The following ZNF536 variants were observed in gnomAD, a reference collection of about 807,000 sequenced individuals.
The protein encoded by ZNF536 is zinc finger protein 536.
In ZNF536, 13 loss-of-function variants were observed where a neutral mutation model predicts 84.5. The ratio of observed to expected loss-of-function variants is 0.15; its 90% CI spans 0.10 to 0.24. The LOEUF is 0.24. Among genes scored for constraint, ZNF536 ranks in the 10% least tolerant of loss-of-function variants. The pLI is 1.00. For synonymous variants in ZNF536, 811 were observed against 742.5 expected (o/e 1.09, Z -1.50); for missense variants, 1,536 against 1,747.5 (o/e 0.88, Z 2.16).
intron 1 of ZNF536, among the ~76,000 whole-genome samples, chr19:30,664,204 T>TTCTCTCTCTCTCTCTC (rs71173915): frequency 1.7e-4 from 15 of 90,714 alleles, no homozygotes; most frequent in East Asian, 2.8e-4. Flanking sequence ...TTGCTGAGTT[T>TTCTCTCTCTCTCTCTC]TCTCTCTCTC....
intron 1 of ZNF536, among the ~76,000 whole-genome samples, chr19:30,662,925 T>G (rs1327284536): frequency 6.6e-6 from 1 of 151,496 alleles, no homozygotes; most frequent in Non-Finnish European, 1.5e-5. Flanking sequence ...GGAAAATTTT[T>G]TCTCTTTCTC....
At chr19:30,324,991 CA>C (rs1411431449) in intron 2 of ZNF536, among the ~76,000 whole-genome samples, 1 of 152,178 alleles carries the variant, frequency 6.6e-6, no homozygotes, top group African/African-American at 2.4e-5. Flanking sequence ...CACCCTCACC[CA>C]AAGTCATACA....
intron 1 of ZNF536, among the ~76,000 whole-genome samples, chr19:30,599,065 C>T (rs999434377): frequency 7.5e-6 from 1 of 133,200 alleles, no homozygotes; most frequent in Non-Finnish European, 1.6e-5. Context: ...TCTCTCCTCC[C>T]TCCCTCCCTG....
intron 3 of ZNF536, among the ~76,000 whole-genome samples, chr19:30,358,740 A>G (rs1403961776): frequency 6.6e-6 from 1 of 152,168 alleles, no homozygotes; most frequent in Non-Finnish European, 1.5e-5. Flanking sequence ...AGTTTCTGGT[A>G]TCTGGACAGG....
intron 1 of ZNF536, among the ~76,000 whole-genome samples, chr19:30,624,802 C>A (rs762682432): frequency 6.6e-6 from 1 of 152,102 alleles, no homozygotes; most frequent in South Asian, 2.1e-4. Flanking sequence ...AAGGAGGGAC[C>A]CAGTGAGAGG....
chr19:30,679,363 G>C (rs1356436059), intron 1 of ZNF536, among the ~76,000 whole-genome samples: 1 of 152,238 alleles, frequency 6.6e-6, no homozygotes, highest in Non-Finnish European at 1.5e-5. Flanking sequence ...GAAGGGAAAG[G>C]AGACGCGGCA....
At chr19:30,255,657 T>TA (rs1249917841) in intron 1 of ZNF536, among the ~76,000 whole-genome samples, 7 of 151,846 alleles carry the variant, frequency 4.6e-5, no homozygotes, top group Non-Finnish European at 8.8e-5. Flanking sequence ...CTGGAGACAA[T>TA]AAAAAAAATG....
At chr19:30,478,759 G>T (rs2144789227) in intron 2 of ZNF536, among the ~76,000 whole-genome samples, 1 of 152,240 alleles carries the variant, frequency 6.6e-6, no homozygotes, top group African/African-American at 2.4e-5. Flanking sequence ...ATTCTCCCAA[G>T]GCCAAGGGAC....
intron 2 of ZNF536, among the ~76,000 whole-genome samples, chr19:30,318,620 CAA>C (rs1415973807): frequency 1.3e-5 from 2 of 152,236 alleles, no homozygotes; most frequent in Middle Eastern, 3.2e-3. Context: ...ATTGGGCTAA[CAA>C]GAGGCACATT....
chr19:30,364,859 G>T (rs1397714867), intron 3 of ZNF536, among the ~76,000 whole-genome samples: 2 of 152,248 alleles, frequency 1.3e-5, no homozygotes, highest in East Asian at 3.9e-4. Flanking sequence ...GTGATACAAG[G>T]GGTATATGCC....
rs750240867 is a variant in ZNF536 at position 30,548,753 on chromosome 19, C to G, written c.3134C>G (p.Ala1045Gly). 6.2e-7 allele frequency: 1 copy of G among 1,613,800 alleles called. No individual in the cohort carries two copies. The highest frequency in any genetic ancestry group is 1.3e-5 in the African/African-American group (1 of 74,924). The change falls in exon 4 of 5, where the codon GCC (alanine) becomes GGC (glycine). Residue 1045 changes from alanine (A) to glycine (G), a missense_variant. Transcript: ENST00000355537. ...IGVTVNCKDQ[A>G]REASKMALLP... ...GTCACAGTCAACTGCAAAGACCAAGCCCGGGAGGCGAGTAAGATGGCCCTG... is the reference window on the plus strand; with the variant it reads ...GTCACAGTCAACTGCAAAGACCAAGGCCGGGAGGCGAGTAAGATGGCCCTG...
chr19:30,513,345 C>T (rs902531955), intron 2 of ZNF536, among the ~76,000 whole-genome samples: 5 of 152,102 alleles, frequency 3.3e-5, no homozygotes, highest in Non-Finnish European at 7.3e-5. Context: ...CTTGGAGTTG[C>T]GCTTAGGAGT....
rs1481924500 is a variant in ZNF536 at position 30,307,084 on chromosome 19, T to C, written c.-120+22943T>C. 2.0e-5 allele frequency among the ~76,000 whole-genome samples: 3 copies of C among 152,274 alleles called. No individual in the cohort carries two copies. The South Asian group carries it at 6.2e-4, about 32-fold the overall frequency. ...GAGTTCTCTGGAGTGGGTGTTTTAT[T>C]ACAGTGGATGCTTTACTTAGAAGGA... is the stretch of plus-strand genomic sequence containing the variant. On this transcript the variant is annotated intron_variant, in intron 2 of 5. Transcript: ENST00000585628.
At chr19:30,539,838 C>T (rs1344384517) in intron 3 of ZNF536, among the ~76,000 whole-genome samples, 1 of 152,104 alleles carries the variant, frequency 6.6e-6, no homozygotes, top group African/African-American at 2.4e-5. Context: ...CTGCGGGACT[C>T]CTGGCTGGGT....
intron 2 of ZNF536, among the ~76,000 whole-genome samples, chr19:30,335,352 C>T (rs550086102): frequency 2.6e-5 from 4 of 152,250 alleles, no homozygotes; most frequent in South Asian, 2.1e-4. Context: ...TCTTTAATCT[C>T]GATGATGGAA....
intron 1 of ZNF536, among the ~76,000 whole-genome samples, chr19:30,708,372 C>T (rs1243763311): frequency 6.6e-6 from 1 of 152,110 alleles, no homozygotes; most frequent in African/African-American, 2.4e-5. Flanking sequence ...TTGGTGTGGG[C>T]AAAAGGGGTT....
upstream of ZNF536, among the ~76,000 whole-genome samples, chr19:30,227,820 G>C (rs941261136): frequency 3.9e-5 from 6 of 151,970 alleles, no homozygotes; most frequent in African/African-American, 1.2e-4. Context: ...TCCGGCGGCC[G>C]GGCAGCCCGA....
chr19:30,258,660 G>GT (rs2025034948), intron 1 of ZNF536, among the ~76,000 whole-genome samples: 1 of 151,528 alleles, frequency 6.6e-6, no homozygotes, highest in Non-Finnish European at 1.5e-5. Context: ...TAGTACATAA[G>GT]TCATATGTAG....
At chr19:30,390,727 C>T (rs2049550367) in intron 1 of ZNF536, among the ~76,000 whole-genome samples, 1 of 152,212 alleles carries the variant, frequency 6.6e-6, no homozygotes. Flanking sequence ...GAGCAGGAGG[C>T]AGGCAGCCCC....
Sources: allele counts gnomAD v4.1 joint callset (sites outside exome capture counted in the v4.1 genomes callset), GRCh38; gene constraint gnomAD v4.1.1; transcripts MANE v1.5; gene names NCBI Gene and HGNC (gene_info 2026-07-23, HGNC 2026-07-21).